Variants in ZNF407 observed in about 807,000 individuals in gnomAD.
ZNF407 encodes the protein zinc finger protein 407.
In ZNF407, 17 loss-of-function variants were observed where a neutral mutation model predicts 131.2. The observed-to-expected ratio is 0.13, with a 90% confidence interval of 0.09 to 0.19. The LOEUF is 0.19. Among genes scored for constraint, ZNF407 ranks in the 10% least tolerant of loss-of-function variants. The pLI, the probability that ZNF407 is intolerant of heterozygous loss-of-function variation, is 1.00. For missense variants in ZNF407, 2,681 were observed against 2,830.6 expected, an observed-to-expected ratio of 0.95 and a Z score of 1.20; for synonymous variants, 1,156 against 1,062.0, an observed-to-expected ratio of 1.09 and a Z score of -1.72.
intron 3 of ZNF407, among the ~76,000 whole-genome samples, chr18:74,779,109 A>ATT (rs869191171): frequency 1.3e-3 from 31 of 24,380 alleles, no homozygotes; most frequent in African/African-American, 4.2e-3. Flanking sequence ...ATATATATAT[A>ATT]TTTTTTTTTT....
At chr18:74,785,060 A>C (rs1161221085) in intron 4 of ZNF407, among the ~76,000 whole-genome samples, 1 of 152,228 alleles carries the variant, frequency 6.6e-6, no homozygotes, top group African/African-American at 2.4e-5. Context: ...AGGCTGATAA[A>C]CTCAGAAAAC....
intron 8 of ZNF407, among the ~76,000 whole-genome samples, chr18:74,929,999 G>T (rs1388369387): frequency 6.6e-6 from 1 of 152,082 alleles, no homozygotes; most frequent in African/African-American, 2.4e-5. Flanking sequence ...TACTACTTAC[G>T]AAAGCCTGAG....
chr18:74,797,407 C>T (rs1222201809), intron 4 of ZNF407, among the ~76,000 whole-genome samples: 1 of 152,226 alleles, frequency 6.6e-6, no homozygotes, highest in East Asian at 1.9e-4. Context: ...ACCTGCCTCG[C>T]TTTGGCAACC....
At chr18:74,755,719 T>TCTCTCTTTC (rs1968924468) in intron 3 of ZNF407, among the ~76,000 whole-genome samples, 2 of 128,112 alleles carry the variant, frequency 1.6e-5, no homozygotes, top group Non-Finnish European at 3.3e-5. Flanking sequence ...CTGCCTCTCT[T>TCTCTCTTTC]CTTTCTTTCC....
chr18:75,025,975 C>T lies in ZNF407; in HGVS notation c.5429-37175C>T, dbSNP rs189927402. Among the ~76,000 whole-genome samples, 25 of 152,236 alleles carry T rather than the reference C, an allele frequency of 1.6e-4. No homozygotes were observed. The South Asian group carries it at 2.7e-3, about 16-fold the overall frequency. The stretch of plus-strand genomic sequence containing the variant: ...GGTTTTCAGTTTGTTATAAATAACA[C>T]GGCGTTAATTGAATCAACATCCACT... On this transcript the variant is annotated intron_variant, in intron 8 of 8. Transcript: ENST00000299687.
intron 8 of ZNF407, among the ~76,000 whole-genome samples, chr18:74,986,751 A>C (rs1972656811): frequency 6.6e-6 from 1 of 152,230 alleles, no homozygotes; most frequent in Non-Finnish European, 1.5e-5. Flanking sequence ...ATTGAAAAAC[A>C]CACACAAACG....
At chr18:74,885,746 G>A (rs1253356573) in intron 6 of ZNF407, among the ~76,000 whole-genome samples, 1 of 152,154 alleles carries the variant, frequency 6.6e-6, no homozygotes, top group Non-Finnish European at 1.5e-5. Flanking sequence ...CTATGTTGGA[G>A]CAGTTGGCTA....
At chr18:74,654,946 C>T (rs371606611) in intron 3 of ZNF407, among the ~76,000 whole-genome samples, 2 of 151,718 alleles carry the variant, frequency 1.3e-5, no homozygotes, top group African/African-American at 4.8e-5. Context: ...TCTTATTTCA[C>T]GTGCTTAGTC....
intron 1 of ZNF407, among the ~76,000 whole-genome samples, chr18:74,606,828 ATAAT>A (rs1982828317): frequency 6.6e-6 from 1 of 152,246 alleles, no homozygotes. Context: ...AATAGAAGAA[ATAAT>A]TTTAGATATA....
chr18:74,732,509 A>C (rs906270396), intron 3 of ZNF407, among the ~76,000 whole-genome samples: 1 of 152,158 alleles, frequency 6.6e-6, no homozygotes, highest in African/African-American at 2.4e-5. Context: ...TTCCTGTCTC[A>C]CCAGAAAAGT....
At position 74,837,536 on chromosome 18, in the gene ZNF407, AAG is replaced by A. The variant is rs552343475; in HGVS notation, c.4878-39658_4878-39657del. On this transcript the variant is annotated intron_variant, in intron 4 of 8. Transcript: ENST00000299687. The stretch of plus-strand genomic sequence containing the variant: ...TTCTAATATTATTCATCAGGATGCT[AAG>A]AGTAACATGCGCTCATTGAACATTT... Among the ~76,000 whole-genome samples, 303 of 152,326 alleles carry A rather than the reference AAG, an allele frequency of 2.0e-3. 1 individual carries two copies. Among genetic ancestry groups the A allele is most frequent in the Admixed American group, 3.4e-3 (52 of 15,294 alleles).
chr18:74,774,513 T>G (rs1969428232), intron 3 of ZNF407, among the ~76,000 whole-genome samples: 1 of 152,226 alleles, frequency 6.6e-6, no homozygotes, highest in East Asian at 1.9e-4. Flanking sequence ...TGACGTTACT[T>G]TTATCCTGAT....
At chr18:74,852,940 A>G (rs1231221511) in intron 4 of ZNF407, among the ~76,000 whole-genome samples, 3 of 152,208 alleles carry the variant, frequency 2.0e-5, no homozygotes, top group Admixed American at 2.0e-4. Flanking sequence ...GTATAATTTC[A>G]TAGTCAACTG....
Position 74,956,365 on chromosome 18 carries a change from A to G in ZNF407, c.5428+35673A>G, listed in dbSNP as rs78098208. 5.6e-3 allele frequency among the ~76,000 whole-genome samples: 858 copies of G among 152,124 alleles called. 6 individuals are homozygous for G. The highest frequency in any genetic ancestry group is 0.017 in the Middle Eastern group (5 of 294). On this transcript the variant is annotated intron_variant, in intron 8 of 8. Coordinates refer to ENST00000299687, the MANE Select transcript of ZNF407 (RefSeq NM_017757.3). ...TTGACGTCCTCTATTCCAAGGGGAT[A>G]ATAAGGTTTTTGGCAGCCATTCTGT...
intron 4 of ZNF407, among the ~76,000 whole-genome samples, chr18:74,849,063 T>TTA (rs1970742950): frequency 6.8e-6 from 1 of 146,110 alleles, no homozygotes; most frequent in Non-Finnish European, 1.5e-5. Flanking sequence ...TTTTTTTTTT[T>TTA]TTTATTTTTT....
chr18:75,042,812 G>GT (rs1973389070), intron 8 of ZNF407, among the ~76,000 whole-genome samples: 1 of 152,108 alleles, frequency 6.6e-6, no homozygotes, highest in Admixed American at 6.5e-5. Flanking sequence ...TCAGTGGCAG[G>GT]TACCCATCTA....
At chr18:75,010,122 G>A (rs1972956535) in intron 8 of ZNF407, among the ~76,000 whole-genome samples, 1 of 152,184 alleles carries the variant, frequency 6.6e-6, no homozygotes, top group Non-Finnish European at 1.5e-5. Context: ...AATCACGCTA[G>A]TAGTCATCCA....
intron 8 of ZNF407, among the ~76,000 whole-genome samples, chr18:74,940,422 C>T (rs973914184): frequency 6.6e-6 from 1 of 152,060 alleles, no homozygotes; most frequent in East Asian, 1.9e-4. Flanking sequence ...CTTTGCTGGC[C>T]ATTAGTATTA....
At chr18:74,755,582 G>GTTTTTTTTTTTTTTTTTTTTT (rs541126314) in intron 3 of ZNF407, among the ~76,000 whole-genome samples, 1 of 87,360 alleles carries the variant, frequency 1.1e-5, no homozygotes, top group African/African-American at 5.7e-5. Flanking sequence ...CTCCTTTCTG[G>GTTTTTTTTTTTTTTTTTTTTT]TTTTTTTTTT....
Sources: allele counts gnomAD v4.1 joint callset (sites outside exome capture counted in the v4.1 genomes callset), GRCh38; gene constraint gnomAD v4.1.1; transcripts MANE v1.5; gene names NCBI Gene and HGNC (gene_info 2026-07-23, HGNC 2026-07-21).